Variants in CEMIP2 observed in about 807,000 individuals in gnomAD.
CEMIP2 encodes the protein cell migration inducing hyaluronidase 2.
CEMIP2 carries 79 observed loss-of-function variants against 146.9 expected under a neutral mutation model. The ratio of observed to expected loss-of-function variants is 0.54; its 90% CI spans 0.45 to 0.65. The LOEUF (loss-of-function observed/expected upper bound fraction) is 0.65. CEMIP2 is among the 30% of genes least tolerant of loss of function. CEMIP2 has a pLI of 0.00. For synonymous variants in CEMIP2, 601 were observed against 606.3 expected (o/e 0.99, Z 0.13); for missense variants, 1,596 against 1,696.2 (o/e 0.94, Z 1.04).
chr9:71,692,427 C>T (rs1042229532), intron 21 of CEMIP2, among the ~76,000 whole-genome samples: 21 of 147,466 alleles, frequency 1.4e-4, no homozygotes, highest in African/African-American at 5.4e-4. Flanking sequence ...CAGTGAGACT[C>T]AGCACCCACC....
chr9:71,736,871 GC>G (rs1823774507), intron 5 of CEMIP2, among the ~76,000 whole-genome samples: 1 of 152,070 alleles, frequency 6.6e-6, no homozygotes, highest in Admixed American at 6.5e-5. Context: ...CTACCCTGTG[GC>G]TACTTTAAGA....
chr9:71,733,387 G>A (rs1398811941), intron 6 of CEMIP2, among the ~76,000 whole-genome samples: 1 of 152,166 alleles, frequency 6.6e-6, no homozygotes, highest in East Asian at 1.9e-4. Flanking sequence ...GTTAACAAGA[G>A]TTGGAATTTC....
At position 71,728,226 on chromosome 9, in the gene CEMIP2, T is replaced by TCA. The variant is rs1823455809; in HGVS notation, c.2049+1618_2049+1619insTG. 6.9e-5 allele frequency among the ~76,000 whole-genome samples: 2 copies of TCA among 29,194 alleles called. 1 individual carries two copies. Among genetic ancestry groups the TCA allele is most frequent in the Non-Finnish European group, 1.8e-4 (2 of 10,960 alleles). The allele number at this position is 29,194 out of a possible 152,430, so 19.2% of individuals were successfully genotyped here. On this transcript the variant is annotated intron_variant, in intron 10 of 23. Transcript: ENST00000377044. ...CTCTCTCTCTCTCTCTCTCTCTCTCTCTCTCTATATATATATATATATATG... is the reference window on the plus strand; with the variant it reads ...CTCTCTCTCTCTCTCTCTCTCTCTCTCACTCTCTATATATATATATATATATG...
At chr9:71,730,986 T>C (rs1823600419) in intron 7 of CEMIP2, 72 bp from the exon 8 acceptor site, 2 of 1,239,468 alleles carry the variant, frequency 1.6e-6, no homozygotes, top group African/African-American at 1.5e-5. Flanking sequence ...ATTGTTCTAG[T>C]AGAAAACATC....
rs5898226 is a variant in CEMIP2, at chr9:71,746,596, C to CAAAAAAA, written c.332-262_332-256dup. Among the ~76,000 whole-genome samples the CAAAAAAA allele has an allele frequency of 1.6e-3, 118 of 75,162 alleles. 8 individuals carry two copies. In the South Asian group the frequency reaches 0.053, roughly 34 times the overall value. The allele number at this position is 75,162 out of a possible 152,430, so 49.3% of individuals were successfully genotyped here. ...GCATCTAGTTCAGGACAAACTTCAC[C>CAAAAAAA]AAAAAAAAAAAAAAAAAAAAAAAGT... On this transcript the variant is annotated intron_variant, in intron 2 of 23. Coordinates refer to ENST00000377044, the MANE Select transcript of CEMIP2 (RefSeq NM_013390.3).
At position 71,716,555 on chromosome 9, in the gene CEMIP2, G is replaced by A. The variant is rs1220147419; in HGVS notation, c.2400-3C>T. 2.5e-6 allele frequency: 4 copies of A among 1,590,176 alleles called. No homozygotes were observed. The highest frequency in any genetic ancestry group is 1.8e-5 in the Admixed American group (1 of 55,550). On this transcript the variant is annotated splice_polypyrimidine_tract_variant and splice_region_variant and intron_variant, in intron 13 of 23. Transcript: ENST00000377044. The stretch of plus-strand genomic sequence containing the variant: ...GTCCTATTCCATTATCTGCAAATCT[G>A]TAAAAGAAGAGAGAATGAAGAACAT...
chr9:71,744,763 C>G (rs1460339133), intron 4 of CEMIP2, among the ~76,000 whole-genome samples: 1 of 152,182 alleles, frequency 6.6e-6, no homozygotes, highest in Non-Finnish European at 1.5e-5. Context: ...CAGTACCACA[C>G]TTCTGCTCTC....
Position 71,734,930 on chromosome 9 carries a change from A to C in CEMIP2, c.1269T>G (p.Asp423Glu), listed in dbSNP as rs25695. The change falls in exon 6 of 24, where the codon GAT (aspartate) becomes GAG (glutamate). Residue 423 changes from aspartate to glutamate, a missense_variant. Transcript: ENST00000377044. ...GGTCTCCAGGTTTCCAACTACTAAC[A>C]TCATCTAGCAAATTTAGCTTCACTC... Reference protein sequence around the residue: ...VDGVKLNLLDDVSSWKPGDQI... With the variant: ...VDGVKLNLLDEVSSWKPGDQI... The C allele has an allele frequency of 2.0e-5, 32 of 1,613,758 alleles. No homozygotes were observed. The highest frequency in any genetic ancestry group is 2.5e-5 in the Non-Finnish European group (30 of 1,179,932).
intron 5 of CEMIP2, among the ~76,000 whole-genome samples, chr9:71,735,201 T>C (rs1033914061): frequency 3.3e-5 from 5 of 152,058 alleles, no homozygotes; most frequent in Admixed American, 2.6e-4. Context: ...CTTCAAGGGG[T>C]GAGTGCCCCA....
chr9:71,729,235 C>T (rs894229174), intron 10 of CEMIP2, among the ~76,000 whole-genome samples: 3 of 152,092 alleles, frequency 2.0e-5, no homozygotes, highest in African/African-American at 7.2e-5. Flanking sequence ...GTACTTAATA[C>T]ACCAAAAATA....
chr9:71,723,907 A>G (rs62547000), intron 11 of CEMIP2, among the ~76,000 whole-genome samples: 1 of 152,158 alleles, frequency 6.6e-6, no homozygotes, highest in Non-Finnish European at 1.5e-5. Flanking sequence ...TCCTGGACAG[A>G]CATTTCCAAA....
rs373037760 is a variant in CEMIP2, at chr9:71,712,279, T to C, written c.2592-19A>G. The C allele has an allele frequency of 1.9e-6, 3 of 1,612,428 alleles. No homozygotes were observed. The African/African-American group carries it at 4.0e-5, about 22-fold the overall frequency. On this transcript the variant is annotated intron_variant, in intron 15 of 23. Coordinates refer to ENST00000377044, the MANE Select transcript of CEMIP2 (RefSeq NM_013390.3). ...GAACGTCCTGTGGAAATACAAGATTTTGTTTAATGCATATGGGCTGTCCCC... is the reference window on the plus strand; with the variant it reads ...GAACGTCCTGTGGAAATACAAGATTCTGTTTAATGCATATGGGCTGTCCCC...
intron 4 of CEMIP2, among the ~76,000 whole-genome samples, chr9:71,742,231 C>T (rs1823943566): frequency 2.0e-5 from 3 of 152,174 alleles, no homozygotes. Context: ...CTTTGGACGA[C>T]AATGCTTTGT....
intron 1 of CEMIP2, among the ~76,000 whole-genome samples, chr9:71,750,729 G>A (rs751987207): frequency 4.6e-5 from 7 of 151,728 alleles, no homozygotes; most frequent in Non-Finnish European, 1.0e-4. Flanking sequence ...TTACAGGTGT[G>A]AGCCACCGCA....
At chr9:71,707,799 C>T (rs555984813) in intron 17 of CEMIP2, among the ~76,000 whole-genome samples, 2 of 152,344 alleles carry the variant, frequency 1.3e-5, no homozygotes, top group East Asian at 3.9e-4. Context: ...AGGGCTATCA[C>T]AGCCCAATTC....
rs71353516 is a variant in CEMIP2, at chr9:71,739,361, C to CAAA, written c.1204+699_1204+701dup. ...TGGGTGACAGAGTGAGACTCTGTCT[C>CAAA]AAAAAAAAAAAAAAAAAAAAAAAAA... is the stretch of plus-strand genomic sequence containing the variant. On this transcript the variant is annotated intron_variant, in intron 5 of 23. Transcript: ENST00000377044. Among the ~76,000 whole-genome samples the CAAA allele has an allele frequency of 1.4e-3, 62 of 42,834 alleles. 2 individuals are homozygous for CAAA. The highest frequency in any genetic ancestry group is 4.1e-3 in the African/African-American group (37 of 9,060). 28.1% of individuals were successfully genotyped at this position (42,834 alleles called of 152,430 possible).
chr9:71,737,842 T>G (rs948639464), intron 5 of CEMIP2, among the ~76,000 whole-genome samples: 1 of 152,206 alleles, frequency 6.6e-6, no homozygotes. Context: ...TAAGATTTTA[T>G]ACAAATAATA....
intron 2 of CEMIP2, 65 bp from the exon 3 acceptor site, chr9:71,746,406 C>T (rs1589161927): frequency 2.5e-6 from 4 of 1,582,482 alleles, no homozygotes; most frequent in East Asian, 4.5e-5. Flanking sequence ...CGAATCTAAG[C>T]ACTACCATTA....
chr9:71,702,270 A>G (rs980309201), intron 18 of CEMIP2, among the ~76,000 whole-genome samples: 6 of 151,180 alleles, frequency 4.0e-5, no homozygotes, highest in African/African-American at 1.2e-4. Flanking sequence ...GGAAAAAAAA[A>G]AAAAAAAAAA....
Sources: gnomAD v4.1 joint callset for allele counts (sites outside exome capture counted in the v4.1 genomes callset) on GRCh38, gnomAD v4.1.1 for gene constraint, MANE v1.5 for transcripts, NCBI Gene and HGNC (gene_info 2026-07-23, HGNC 2026-07-21) for gene names.